The following GRM7 variants were observed in gnomAD, a reference collection of about 807,000 sequenced individuals.
GRM7 encodes glutamate metabotropic receptor 7.
In GRM7, 35 loss-of-function variants were observed where a neutral mutation model predicts 84.5. The ratio of observed to expected loss-of-function variants is 0.41; its 90% CI spans 0.32 to 0.55. The LOEUF (loss-of-function observed/expected upper bound fraction) is 0.55, where lower values mean the gene tolerates loss of function less well. Among genes scored for constraint, GRM7 ranks in the 20% least tolerant of loss-of-function variants. GRM7 has a pLI of 0.19. For missense variants in GRM7, 1,003 were observed against 1,194.6 expected (o/e 0.84, Z 2.36); for synonymous variants, 487 against 455.1 (o/e 1.07, Z -0.89).
rs181246150 is a variant in GRM7 at position 7,233,935 on chromosome 3, C to T, written c.737-64749C>T. ...CTTGAATACATCCCATAATGAGTAA[C>T]TTATTATATCCTAAAGCGGTTCAAG... On this transcript the variant is annotated intron_variant, in intron 2 of 9. Coordinates refer to ENST00000357716, the MANE Select transcript of GRM7 (RefSeq NM_000844.4). 2.0e-5 allele frequency among the ~76,000 whole-genome samples: 3 copies of T among 152,152 alleles called. No homozygotes were observed. The East Asian group carries it at 5.8e-4, about 29-fold the overall frequency.
intron 1 of GRM7, among the ~76,000 whole-genome samples, chr3:7,113,059 A>G (rs1240691997): frequency 1.3e-5 from 2 of 152,132 alleles, no homozygotes; most frequent in Non-Finnish European, 2.9e-5. Flanking sequence ...ATTCCAAGGG[A>G]AAAAAAGTGA....
intron 1 of GRM7, among the ~76,000 whole-genome samples, chr3:7,081,308 C>T (rs563088904): frequency 1.3e-5 from 2 of 152,150 alleles, no homozygotes; most frequent in South Asian, 4.1e-4. Context: ...GTAATTCTCA[C>T]AATATTTAAA....
chr3:7,628,636 C>G (rs1349211134), intron 8 of GRM7, among the ~76,000 whole-genome samples: 2 of 152,090 alleles, frequency 1.3e-5, no homozygotes, highest in Non-Finnish European at 2.9e-5. Context: ...AATTATACGT[C>G]TAACTCAGGT....
chr3:7,224,335 T>C (rs1380577440), intron 2 of GRM7, among the ~76,000 whole-genome samples: 1 of 152,158 alleles, frequency 6.6e-6, no homozygotes, highest in African/African-American at 2.4e-5. Context: ...AATTTGCTCA[T>C]TATCAAAAGG....
chr3:7,357,792 C>CA (rs954947768), intron 4 of GRM7, among the ~76,000 whole-genome samples: 2 of 151,654 alleles, frequency 1.3e-5, no homozygotes, highest in African/African-American at 2.4e-5. Flanking sequence ...TAATTTTCTT[C>CA]AAAAAAACAT....
chr3:6,979,217 A>G (rs1694106744), intron 1 of GRM7, among the ~76,000 whole-genome samples: 1 of 152,214 alleles, frequency 6.6e-6, no homozygotes, highest in Non-Finnish European at 1.5e-5. Context: ...TAATGTAAAC[A>G]TTAACAAGGG....
chr3:6,888,576 G>C (rs1337733198), intron 1 of GRM7, among the ~76,000 whole-genome samples: 1 of 152,056 alleles, frequency 6.6e-6, no homozygotes, highest in African/African-American at 2.4e-5. Context: ...GCTCTGTTCT[G>C]TTCCATTGAT....
intron 1 of GRM7, among the ~76,000 whole-genome samples, chr3:6,907,967 C>G (rs1177218240): frequency 6.6e-6 from 1 of 152,124 alleles, no homozygotes; most frequent in African/African-American, 2.4e-5. Context: ...TCTCTGCTTT[C>G]CCTCCCTTAC....
intron 1 of GRM7, among the ~76,000 whole-genome samples, chr3:6,873,293 G>A (rs1695192427): frequency 6.6e-6 from 1 of 152,092 alleles, no homozygotes; most frequent in Admixed American, 6.6e-5. Flanking sequence ...GGCTGGTCCC[G>A]AACTCCTGAC....
intron 2 of GRM7, among the ~76,000 whole-genome samples, chr3:7,207,590 A>T (rs1441106003): frequency 1.3e-5 from 2 of 152,174 alleles, no homozygotes; most frequent in Non-Finnish European, 2.9e-5. Flanking sequence ...CTCAGATACA[A>T]GGGGAGAGAG....
intron 2 of GRM7, among the ~76,000 whole-genome samples, chr3:7,148,701 A>T (rs984477503): frequency 6.6e-6 from 1 of 152,184 alleles, no homozygotes; most frequent in South Asian, 2.1e-4. Flanking sequence ...CAAAAAGGAG[A>T]TGCTCTTATA....
chr3:7,535,925 G>T (rs924226483), intron 7 of GRM7, among the ~76,000 whole-genome samples: 3 of 152,198 alleles, frequency 2.0e-5, no homozygotes, highest in East Asian at 1.9e-4. Context: ...CCAGGGGTCT[G>T]CATCTGCGTA....
At chr3:7,316,243 T>C (rs1268146063) in intron 4 of GRM7, among the ~76,000 whole-genome samples, 1 of 152,042 alleles carries the variant, frequency 6.6e-6, no homozygotes, top group Non-Finnish European at 1.5e-5. Context: ...ATGCAGGTGA[T>C]TGCATGGACT....
chr3:7,719,351 C>A (rs756846606), intron 9 of GRM7, among the ~76,000 whole-genome samples: 1 of 152,118 alleles, frequency 6.6e-6, no homozygotes, highest in South Asian at 2.1e-4. Context: ...TGTGCCCCTG[C>A]GTTTTCTTTG....
At chr3:7,699,014 C>T (rs1377015071) in intron 9 of GRM7, among the ~76,000 whole-genome samples, 2 of 152,102 alleles carry the variant, frequency 1.3e-5, no homozygotes, top group East Asian at 1.9e-4. Context: ...TACATGCTTT[C>T]GGCATCTTAG....
At chr3:7,143,371 C>T (rs1026725532) in intron 1 of GRM7, among the ~76,000 whole-genome samples, 1 of 152,040 alleles carries the variant, frequency 6.6e-6, no homozygotes, top group African/African-American at 2.4e-5. Context: ...CTTATAAAGC[C>T]GTATTTTTAT....
intron 1 of GRM7, among the ~76,000 whole-genome samples, chr3:6,870,820 G>T (rs1302919876): frequency 1.3e-5 from 2 of 152,158 alleles, no homozygotes; most frequent in African/African-American, 4.8e-5. Flanking sequence ...CAACTGGAAA[G>T]TTGAGATTAT....
chr3:7,067,304 T>A (rs1268197736), intron 1 of GRM7, among the ~76,000 whole-genome samples: 1 of 151,932 alleles, frequency 6.6e-6, no homozygotes, highest in East Asian at 1.9e-4. Context: ...CTAGAACTGA[T>A]AAAAGAATTC....
intron 1 of GRM7, among the ~76,000 whole-genome samples, chr3:7,117,992 A>G (rs1693093840): frequency 6.6e-6 from 1 of 152,146 alleles, no homozygotes. Context: ...TTATTTATGG[A>G]GTACAAAAAA....
Sources: gnomAD v4.1 joint callset for allele counts (sites outside exome capture counted in the v4.1 genomes callset) on GRCh38, gnomAD v4.1.1 for gene constraint, MANE v1.5 for transcripts, NCBI Gene and HGNC (gene_info 2026-07-23, HGNC 2026-07-21) for gene names.